Variants in PPFIA1 observed in about 807,000 individuals in gnomAD.
PPFIA1 encodes PPFI scaffold protein A1, also known as liprin-alpha-1.
In PPFIA1, 25 loss-of-function variants were observed where a neutral mutation model predicts 149.9. The ratio of observed to expected loss-of-function variants is 0.17; its 90% CI spans 0.12 to 0.23. PPFIA1 has a LOEUF of 0.23. Among genes scored for constraint, PPFIA1 ranks in the 10% least tolerant of loss-of-function variants. The pLI, the probability that PPFIA1 is intolerant of heterozygous loss-of-function variation, is 1.00. For missense variants in PPFIA1, 1,362 were observed against 1,506.5 expected (o/e 0.90, Z 1.59); for synonymous variants, 549 against 552.8 (o/e 0.99, Z 0.10).
At chr11:70,271,984 ATGT>A in intron 1 of PPFIA1, 186 bp from the exon 2 acceptor site, 2 of 684,518 alleles carry the variant, frequency 2.9e-6, no homozygotes, top group South Asian at 3.6e-5. Flanking sequence ...TAATGTCTTC[ATGT>A]TGTGTATTTT....
chr11:70,333,392 G>A, intron 9 of PPFIA1, 78 bp from the exon 10 acceptor site: 5 of 1,117,648 alleles, frequency 4.5e-6, no homozygotes, highest in South Asian at 3.9e-5. Flanking sequence ...TGTTGTGCCT[G>A]TTGCCACTGC....
chr11:70,296,750 G>GGAGGGAGAGGGAGAGGGAGA (rs1565359335), intron 2 of PPFIA1, among the ~76,000 whole-genome samples: 1 of 89,694 alleles, frequency 1.1e-5, no homozygotes, highest in African/African-American at 9.0e-5. Flanking sequence ...AGGGAGAGAG[G>GGAGGGAGAGGGAGAGGGAGA]GAGGGAGGGA....
At chr11:70,343,533 G>A in intron 14 of PPFIA1, 136 bp from the exon 15 acceptor site, 2 of 742,528 alleles carry the variant, frequency 2.7e-6, no homozygotes, top group East Asian at 2.7e-5. Flanking sequence ...CTTCATGTCA[G>A]TACCTTATAA....
chr11:70,285,085 C>G (rs2051018920), intron 2 of PPFIA1, among the ~76,000 whole-genome samples: 1 of 152,070 alleles, frequency 6.6e-6, no homozygotes, highest in Admixed American at 6.5e-5. Context: ...CGGCTCACTG[C>G]AACCTCTGCC....
At chr11:70,283,602 C>T (rs1012498631) in intron 2 of PPFIA1, among the ~76,000 whole-genome samples, 3 of 152,116 alleles carry the variant, frequency 2.0e-5, no homozygotes, top group South Asian at 2.1e-4. Context: ...TGCAAGACAG[C>T]CCATTTAGGA....
intron 19 of PPFIA1, among the ~76,000 whole-genome samples, chr11:70,359,231 C>T (rs2056512262): frequency 6.6e-6 from 1 of 152,192 alleles, no homozygotes; most frequent in African/African-American, 2.4e-5. Context: ...CCAGGCTGGT[C>T]TTGAACTCCT....
chr11:70,376,811 C>T (rs1289113163), intron 25 of PPFIA1, among the ~76,000 whole-genome samples: 4 of 152,192 alleles, frequency 2.6e-5, no homozygotes, highest in Admixed American at 6.5e-5. Flanking sequence ...GCGGCTCGCA[C>T]CTGTAATCCC....
At chr11:70,376,763 A>G (rs1232449046) in intron 25 of PPFIA1, among the ~76,000 whole-genome samples, 163 bp downstream of exon 25, 1 of 152,214 alleles carries the variant, frequency 6.6e-6, no homozygotes, top group Non-Finnish European at 1.5e-5. Flanking sequence ...ATTTATTCAC[A>G]AATGAGCCTT....
chr11:70,364,685 C>T (rs2056828098), intron 21 of PPFIA1: 1 of 152,222 alleles, frequency 6.6e-6, no homozygotes, highest in Non-Finnish European at 1.5e-5. Flanking sequence ...GGAGCAGTGT[C>T]TGAGCTCTTC....
chr11:70,356,426 A>G (rs922760788), intron 19 of PPFIA1, among the ~76,000 whole-genome samples, 172 bp downstream of exon 19: 2 of 152,190 alleles, frequency 1.3e-5, no homozygotes, highest in African/African-American at 4.8e-5. Context: ...TGTTTGTGAA[A>G]TTTCGAAGAA....
At position 70,354,374 on chromosome 11, in the gene PPFIA1, C is replaced by T. The variant is rs1015477738; in HGVS notation, c.2237C>T (p.Pro746Leu). ...IKCETSPPSSPRALRLDRLHK... is the reference protein window; with the variant it reads ...IKCETSPPSSLRALRLDRLHK... ...TGTGAAACCTCCCCGCCTTCCTCCC[C>T]GAGAGCCCTTCGGTTAGACCGGCTG... The change falls in exon 17 of 28, where the codon CCG becomes CTG. Residue 746 changes from proline to leucine, a missense_variant. Coordinates refer to ENST00000253925, the MANE Select transcript of PPFIA1 (RefSeq NM_003626.5). 7 of 1,614,070 alleles carry T rather than the reference C, an allele frequency of 4.3e-6. No individual in the cohort carries two copies. Among genetic ancestry groups the T allele is most frequent in the East Asian group, 2.2e-5 (1 of 44,850 alleles).
intron 2 of PPFIA1, among the ~76,000 whole-genome samples, chr11:70,291,950 G>A (rs1046217540): frequency 6.7e-6 from 1 of 149,402 alleles, no homozygotes; most frequent in Admixed American, 6.8e-5. Context: ...CGATTCTCCT[G>A]CCTCAGCCTC....
At chr11:70,271,903 C>T in intron 1 of PPFIA1, 1 of 313,752 alleles carries the variant, frequency 3.2e-6, no homozygotes, top group Non-Finnish European at 6.0e-6. Flanking sequence ...ACAGACTACC[C>T]CAGGGCTTGC....
At chr11:70,328,499 T>C (rs1347113454) in intron 7 of PPFIA1, among the ~76,000 whole-genome samples, 1 of 152,206 alleles carries the variant, frequency 6.6e-6, no homozygotes, top group African/African-American at 2.4e-5. Flanking sequence ...TTTAGGTTGA[T>C]TCCTTGTCTT....
intron 9 of PPFIA1, chr11:70,333,093 G>A (rs758350416): frequency 4.3e-6 from 2 of 465,626 alleles, no homozygotes; most frequent in South Asian, 3.1e-5. Flanking sequence ...CCAAGCTTAG[G>A]AAGGTAGAAT....
chr11:70,365,498 T>C (rs2056876547), intron 21 of PPFIA1: 1 of 449,350 alleles, frequency 2.2e-6, no homozygotes, highest in African/African-American at 2.0e-5. Context: ...CCGTCTGGGT[T>C]CTTTGCCTTT....
chr11:70,335,828 A>G, intron 11 of PPFIA1, 134 bp downstream of exon 11: 2 of 1,021,378 alleles, frequency 2.0e-6, no homozygotes, highest in Non-Finnish European at 2.9e-6. Context: ...TTAAAGTGGA[A>G]AAGGTATGCA....
intron 2 of PPFIA1, among the ~76,000 whole-genome samples, chr11:70,323,994 CAG>C (rs1326028285): frequency 1.2e-4 from 18 of 152,216 alleles, no homozygotes; most frequent in Admixed American, 1.2e-3. Flanking sequence ...GAGGCTAGGA[CAG>C]GGGTGGTGGC....
At position 70,377,220 on chromosome 11, in the gene PPFIA1, G is replaced by A. The variant is rs148151975; in HGVS notation, c.3384+620G>A. 3.0e-3 allele frequency among the ~76,000 whole-genome samples: 464 copies of A among 152,294 alleles called. 3 individuals carry two copies. Among genetic ancestry groups the A allele is most frequent in the Non-Finnish European group, 3.9e-3 (264 of 68,032 alleles). ...AAACATTGGTTGCAGCTTAGGAACA[G>A]AGTCTGTAAGTTGGGTTTTGGGGAC... On this transcript the variant is annotated intron_variant, in intron 25 of 27. Transcript: ENST00000253925.
Sources: gnomAD v4.1 joint callset for allele counts (sites outside exome capture counted in the v4.1 genomes callset) on GRCh38, gnomAD v4.1.1 for gene constraint, MANE v1.5 for transcripts, NCBI Gene and HGNC (gene_info 2026-07-23, HGNC 2026-07-21) for gene names.